SHISA6: variants seen among roughly 807,000 people sequenced by gnomAD.
SHISA6 encodes the protein protein shisa-6.
Under a neutral mutation model 47.9 loss-of-function variants are expected in SHISA6, and 22 were observed. That is an observed-to-expected ratio of 0.46 (90% CI 0.33 to 0.66). SHISA6 has a LOEUF of 0.66. Among genes scored for constraint, SHISA6 ranks in the 30% least tolerant of loss-of-function variants. The pLI is 0.02. For missense variants in SHISA6, 680 were observed against 764.6 expected, an observed-to-expected ratio of 0.89 and a Z score of 1.30; for synonymous variants, 388 against 337.8, an observed-to-expected ratio of 1.15 and a Z score of -1.63.
intron 3 of SHISA6, among the ~76,000 whole-genome samples, chr17:11,526,930 TATATA>T (rs2071691625): frequency 8.2e-5 from 2 of 24,270 alleles, no homozygotes; most frequent in Non-Finnish European, 1.4e-4. Flanking sequence ...TATATATATA[TATATA>T]TTATAATGAT....
Position 11,241,614 on chromosome 17 carries a change from G to C in SHISA6, c.192G>C (p.Ala64=). The change falls in exon 1 of 6, where the codon GCG becomes GCC. Residue 64 remains alanine (A), a synonymous_variant. Transcript: ENST00000441885. This position sits in a 1 kb window ranked among gnomAD's most constrained non-coding sequence, Gnocchi z 5.5. ...GGRELNGTAR[A]PGIPEAGSRR... The stretch of plus-strand genomic sequence containing the variant: ...GCGAGCTGAACGGCACCGCCCGGGC[G>C]CCCGGAATCCCGGAGGCGGGAAGCC... 2 of 1,312,132 alleles carry C rather than the reference G, an allele frequency of 1.5e-6. No homozygotes were observed. The highest frequency in any genetic ancestry group is 1.9e-6 in the Non-Finnish European group (2 of 1,040,178). The allele number at this position is 1,312,132 out of a possible 1,614,324, so 81.3% of individuals were successfully genotyped here. A position where few individuals can be genotyped will look rare whatever the true frequency, so the allele number is the denominator to read the frequency against.
intron 3 of SHISA6, among the ~76,000 whole-genome samples, chr17:11,470,267 C>T (rs1008308739): frequency 2.0e-5 from 3 of 152,250 alleles, no homozygotes; most frequent in African/African-American, 4.8e-5. Context: ...AAAGCCTCTA[C>T]TGCCCTCTGT....
intron 3 of SHISA6, among the ~76,000 whole-genome samples, chr17:11,492,683 T>A (rs146165207): frequency 6.6e-6 from 1 of 152,078 alleles, no homozygotes; most frequent in Admixed American, 6.5e-5. Flanking sequence ...GTGCATCAAG[T>A]GTTGGCATCC....
intron 3 of SHISA6, among the ~76,000 whole-genome samples, chr17:11,503,742 T>A (rs1383793957): frequency 6.6e-6 from 1 of 152,242 alleles, no homozygotes; most frequent in Non-Finnish European, 1.5e-5. Context: ...GGATGATGTT[T>A]ATCAATTGAC....
intron 3 of SHISA6, among the ~76,000 whole-genome samples, chr17:11,505,330 G>T (rs2071490192): frequency 6.6e-6 from 1 of 152,126 alleles, no homozygotes; most frequent in African/African-American, 2.4e-5. Flanking sequence ...GACTTTCTTG[G>T]GTTCATGGAT....
At position 11,558,062 on chromosome 17, in the gene SHISA6, T is replaced by C; in HGVS notation, c.1414T>C (p.Ser472Pro). 1 of 1,551,662 alleles carries C rather than the reference T, an allele frequency of 6.4e-7. No homozygotes were observed. Reference protein sequence around the residue: ...ERTAFPEQSLSRAISHTDVFV... With the variant: ...ERTAFPEQSLPRAISHTDVFV... ...GACGGCCTTTCCCGAGCAGTCGCTG[T>C]CCAGGGCCATCTCGCACACGGACGT... The change falls in exon 6 of 6, where the codon TCC becomes CCC. Residue 472 changes from serine (S) to proline (P), a missense_variant. Physicochemically the swap from Ser to Pro is moderately conservative, Grantham distance 74. Coordinates refer to ENST00000441885, the MANE Select transcript of SHISA6 (RefSeq NM_207386.4).
intron 1 of SHISA6, among the ~76,000 whole-genome samples, chr17:11,246,469 G>A (rs1184070458): frequency 6.6e-6 from 1 of 152,140 alleles, no homozygotes; most frequent in African/African-American, 2.4e-5. Flanking sequence ...CAACCTGGGG[G>A]CCAGAGCGAG....
chr17:11,475,629 C>T (rs900202359), intron 3 of SHISA6, among the ~76,000 whole-genome samples: 9 of 151,896 alleles, frequency 5.9e-5, no homozygotes, highest in African/African-American at 2.2e-4. Flanking sequence ...GGGGTATATC[C>T]CACTTGGTCA....
intron 3 of SHISA6, among the ~76,000 whole-genome samples, chr17:11,481,336 A>ATATG (rs1385503312): frequency 1.2e-3 from 173 of 141,500 alleles, no homozygotes; most frequent in African/African-American, 4.2e-3. Flanking sequence ...AAAAATATAT[A>ATATG]TGTGTGTGTG....
intron 2 of SHISA6, among the ~76,000 whole-genome samples, chr17:11,344,603 C>G (rs539815133): frequency 1.3e-5 from 2 of 152,092 alleles, no homozygotes; most frequent in Non-Finnish European, 2.9e-5. Context: ...TCTGGACTCT[C>G]TTGCCTATTT....
intron 2 of SHISA6, among the ~76,000 whole-genome samples, chr17:11,340,376 G>T (rs1911480305): frequency 6.6e-6 from 1 of 152,192 alleles, no homozygotes; most frequent in African/African-American, 2.4e-5. Flanking sequence ...GGGCTCATCT[G>T]GACCCTGGAA....
rs191240932 is a variant in SHISA6, at chr17:11,372,052, G to T, written c.800-7362G>T. On this transcript the variant is annotated intron_variant, in intron 2 of 5. Transcript: ENST00000441885. ...ATAAAAGAAGTCATACATAAGCATT[G>T]CTCTGGGTCTTGCTTTTTTGTTGTT... Among the ~76,000 whole-genome samples the T allele has an allele frequency of 3.8e-3, 571 of 152,196 alleles. 1 individual carries two copies. Among genetic ancestry groups the T allele is most frequent in the Non-Finnish European group, 6.0e-3 (409 of 68,010 alleles).
At chr17:11,373,756 T>G (rs1301489408) in intron 2 of SHISA6, among the ~76,000 whole-genome samples, 2 of 152,236 alleles carry the variant, frequency 1.3e-5, no homozygotes, top group African/African-American at 4.8e-5. Context: ...TCATTTGTAC[T>G]GTATAAGAAT....
chr17:11,247,798 G>A (rs1425461437), intron 1 of SHISA6, among the ~76,000 whole-genome samples: 6 of 133,042 alleles, frequency 4.5e-5, no homozygotes, highest in African/African-American at 1.7e-4. Context: ...TTTTTGAGAT[G>A]GAGTCTTGCT....
chr17:11,519,110 A>T (rs899056695), intron 3 of SHISA6, among the ~76,000 whole-genome samples: 9 of 152,180 alleles, frequency 5.9e-5, no homozygotes, highest in African/African-American at 2.2e-4. Context: ...TTCTGCTCAG[A>T]CTTTGCCTCT....
chr17:11,549,203 T>C (rs2071909203), intron 3 of SHISA6, among the ~76,000 whole-genome samples: 1 of 152,186 alleles, frequency 6.6e-6, no homozygotes, highest in African/African-American at 2.4e-5. Context: ...TAAGCACTCA[T>C]ATAATCATCC....
At chr17:11,372,798 A>C (rs886792143) in intron 2 of SHISA6, among the ~76,000 whole-genome samples, 2 of 152,068 alleles carry the variant, frequency 1.3e-5, no homozygotes, top group East Asian at 3.9e-4. Context: ...GTTGTACAGA[A>C]GGGCCTAAGC....
chr17:11,499,008 C>G (rs2071429387), intron 3 of SHISA6, among the ~76,000 whole-genome samples: 2 of 152,118 alleles, frequency 1.3e-5, no homozygotes, highest in African/African-American at 4.8e-5. Flanking sequence ...TGCAGTCACA[C>G]CACCTTGCTG....
At chr17:11,250,339 C>G (rs1159289503) in intron 1 of SHISA6, among the ~76,000 whole-genome samples, 1 of 152,220 alleles carries the variant, frequency 6.6e-6, no homozygotes, top group African/African-American at 2.4e-5. Context: ...CTGGGCCAGA[C>G]TGCCTTAGAT....
Sources: gnomAD v4.1 joint callset for allele counts (sites outside exome capture counted in the v4.1 genomes callset) on GRCh38, gnomAD v4.1.1 for gene constraint, Gnocchi (gnomAD v3.1) non-coding constraint, MANE v1.5 for transcripts, NCBI Gene and HGNC (gene_info 2026-07-23, HGNC 2026-07-21) for gene names.